Variants in IGSF5 observed in about 807,000 individuals in gnomAD.
IGSF5 encodes immunoglobulin superfamily member 5, also known as immunoglobulin superfamily 5 like.
A neutral mutation model predicts 39.4 loss-of-function variants in IGSF5; 41 were observed. That is an observed-to-expected ratio of 1.04 (90% CI 0.81 to 1.35). IGSF5 has a LOEUF of 1.35. Ranked by LOEUF, IGSF5 falls within the 40% of genes most tolerant of loss-of-function variation. The pLI, the probability that IGSF5 is intolerant of heterozygous loss-of-function variation, is 0.00. For synonymous variants in IGSF5, 183 were observed against 175.3 expected (o/e 1.04, Z -0.34); for missense variants, 487 against 494.6 (o/e 0.98, Z 0.15).
intron 2 of IGSF5, among the ~76,000 whole-genome samples, chr21:39,746,695 C>T (rs549144597): frequency 2.6e-5 from 4 of 152,210 alleles, no homozygotes; most frequent in African/African-American, 4.8e-5. Flanking sequence ...ACACAGCTCA[C>T]GGGACTCCTG....
intron 6 of IGSF5, among the ~76,000 whole-genome samples, chr21:39,788,588 A>T (rs1725452153): frequency 6.6e-6 from 1 of 152,238 alleles, no homozygotes; most frequent in South Asian, 2.1e-4. Context: ...GCAGTGAGCC[A>T]AGCCGGATGC....
Position 39,746,236 on chromosome 21 carries a change from C to T in IGSF5, c.38C>T (p.Pro13Leu), listed in dbSNP as rs371671474. 1.7e-4 allele frequency: 116 copies of T among 701,740 alleles called. No homozygotes were observed. Among genetic ancestry groups the T allele is most frequent in the African/African-American group, 3.3e-4 (19 of 57,176 alleles). The allele number at this position is 701,740 out of a possible 1,614,324, so 43.5% of individuals were successfully genotyped here. A position where few individuals can be genotyped will look rare whatever the true frequency, so the allele number is the denominator to read the frequency against. The change falls in exon 2 of 9, where the codon CCG (proline) becomes CTG (leucine). Residue 13 changes from proline (P) to leucine (L), a missense_variant. Transcript: ENST00000380588. ...ATCAGGAGCACAGCAGATACTCTGC[C>T]GGATCTGGAGGAATGGAAGTCAGCG... ...QKERSTADTL[P>L]DLEEWKSAAG...
At chr21:39,743,146 A>G (rs898291698), upstream of IGSF5, among the ~76,000 whole-genome samples, 7 of 152,160 alleles carry the variant, frequency 4.6e-5, no homozygotes, top group African/African-American at 1.7e-4. Context: ...CTGCGGCACC[A>G]ATCTCCATGT....
At chr21:39,752,030 A>C (rs1465325349) in intron 2 of IGSF5, among the ~76,000 whole-genome samples, 2 of 152,080 alleles carry the variant, frequency 1.3e-5, no homozygotes, top group South Asian at 4.1e-4. Flanking sequence ...ACTTTTAAAA[A>C]ATTTCAATAG....
chr21:39,772,448 T>A (rs1053090845), intron 4 of IGSF5, among the ~76,000 whole-genome samples: 1 of 152,046 alleles, frequency 6.6e-6, no homozygotes, highest in Non-Finnish European at 1.5e-5. Context: ...ACAACAGAAA[T>A]GGATTTTCTC....
In IGSF5 at chr21:39,770,986, T is replaced by C. The variant is rs553055083; in HGVS notation, c.489T>C (p.Cys163=). 1.2e-6 allele frequency: 2 copies of C among 1,613,108 alleles called. No individual in the cohort carries two copies. Among genetic ancestry groups the C allele is most frequent in the Middle Eastern group, 1.7e-4 (1 of 5,968 alleles). The change falls in exon 4 of 9, where the codon TGT becomes TGC. Residue 163 remains cysteine (C), a synonymous_variant. Coordinates refer to ENST00000380588, the MANE Select transcript of IGSF5 (RefSeq NM_001080444.2). ...VAENEPCEVT[C]LPSHWTRLPD... is the part of the protein sequence containing the mutation. ...AGAATGAACCTTGTGAAGTTACTTG[T>C]CTACCCTCACACTGGACCCGGCTCC...
chr21:39,713,425 A>G, the IGSF5 span, among the ~76,000 whole-genome samples: 1 of 152,174 alleles, frequency 6.6e-6, no homozygotes, highest in Non-Finnish European at 1.5e-5. Flanking sequence ...TTTTTCAAAT[A>G]GTGCATATTT....
chr21:39,783,128 T>C (rs544305038), intron 5 of IGSF5, among the ~76,000 whole-genome samples: 1 of 152,326 alleles, frequency 6.6e-6, no homozygotes, highest in African/African-American at 2.4e-5. Context: ...CATCTATTAA[T>C]AGATATTTAG....
rs2080041975 is a variant in IGSF5 at position 39,758,123 on chromosome 21, C to T, written c.101-7412C>T. 2.0e-5 allele frequency among the ~76,000 whole-genome samples: 3 copies of T among 152,236 alleles called. No individual in the cohort carries two copies. The South Asian group carries it at 6.2e-4, about 32-fold the overall frequency. Reference sequence around the variant, plus strand: ...GTCCTGACTGTGCTGGTCGTCCTGGCACGTAGGGATCGCCTGAGCTTGGTG... The same window carrying T: ...GTCCTGACTGTGCTGGTCGTCCTGGTACGTAGGGATCGCCTGAGCTTGGTG... On this transcript the variant is annotated intron_variant, in intron 2 of 8. Coordinates refer to ENST00000380588, the MANE Select transcript of IGSF5 (RefSeq NM_001080444.2).
the IGSF5 span, among the ~76,000 whole-genome samples, chr21:39,736,669 G>A: frequency 6.6e-6 from 1 of 152,228 alleles, no homozygotes; most frequent in African/African-American, 2.4e-5. Flanking sequence ...CGGGGTCACC[G>A]GGTTGGGGAC....
At chr21:39,746,418 G>A (rs61040557) in intron 2 of IGSF5, 120 bp downstream of exon 2, 63,699 of 578,444 alleles carry the variant, frequency 0.11, 3,990 homozygotes, top group Middle Eastern at 0.15. Context: ...GGTCCCAAAG[G>A]GGGTTGCTCC....
intron 8 of IGSF5, among the ~76,000 whole-genome samples, chr21:39,797,629 G>C (rs975092013): frequency 3.3e-5 from 5 of 152,150 alleles, no homozygotes; most frequent in African/African-American, 1.2e-4. Flanking sequence ...GGATCCTCCT[G>C]CCTCAGCCTT....
intron 8 of IGSF5, among the ~76,000 whole-genome samples, chr21:39,799,893 A>C (rs917666703): frequency 1.3e-5 from 2 of 152,188 alleles, no homozygotes; most frequent in African/African-American, 2.4e-5. Flanking sequence ...AGAAGGAAAA[A>C]AGAGATTCAT....
At chr21:39,765,139 C>T (rs1045655282) in intron 2 of IGSF5, among the ~76,000 whole-genome samples, 6 of 152,180 alleles carry the variant, frequency 3.9e-5, no homozygotes, top group Non-Finnish European at 8.8e-5. Flanking sequence ...TCTCACTCTG[C>T]ATTTCTCTTA....
chr21:39,777,438 G>A (rs2080146885), intron 4 of IGSF5, among the ~76,000 whole-genome samples: 1 of 152,186 alleles, frequency 6.6e-6, no homozygotes, highest in South Asian at 2.1e-4. Flanking sequence ...TCCAGGTGAC[G>A]CTTGGGATTC....
At chr21:39,762,024 G>T (rs2080063998) in intron 2 of IGSF5, among the ~76,000 whole-genome samples, 1 of 152,150 alleles carries the variant, frequency 6.6e-6, no homozygotes, top group South Asian at 2.1e-4. Flanking sequence ...GAGATGCCTG[G>T]TAGGACAGGA....
intron 5 of IGSF5, among the ~76,000 whole-genome samples, chr21:39,785,076 A>G (rs2080192366): frequency 6.6e-6 from 1 of 151,212 alleles, no homozygotes; most frequent in Non-Finnish European, 1.5e-5. Context: ...TTTAGGGTAC[A>G]TGTGCACAAT....
the IGSF5 span, among the ~76,000 whole-genome samples, chr21:39,721,691 CTT>C: frequency 6.9e-6 from 1 of 144,932 alleles, no homozygotes; most frequent in Non-Finnish European, 1.6e-5. Flanking sequence ...TCCTTCCTTC[CTT>C]CCTTCCTTCC....
chr21:39,716,054 T>G, the IGSF5 span, among the ~76,000 whole-genome samples: 3 of 152,200 alleles, frequency 2.0e-5, no homozygotes, highest in Non-Finnish European at 2.9e-5. Flanking sequence ...CTGGAAACTG[T>G]GGGGGCTCCC....
Sources: gnomAD v4.1 joint callset for allele counts (sites outside exome capture counted in the v4.1 genomes callset) on GRCh38, gnomAD v4.1.1 for gene constraint, MANE v1.5 for transcripts, NCBI Gene and HGNC (gene_info 2026-07-23, HGNC 2026-07-21) for gene names.